The following POLR1C variants were observed in gnomAD, a reference collection of about 807,000 sequenced individuals.
The protein encoded by POLR1C is RNA polymerase I and III subunit C.
Under a neutral mutation model 38.3 loss-of-function variants are expected in POLR1C, and 42 were observed. The observed-to-expected ratio is 1.10, with a 90% CI of 0.86 to 1.42. The LOEUF (loss-of-function observed/expected upper bound fraction) is 1.42, where lower values mean the gene tolerates loss of function less well. POLR1C is among the 40% of genes most tolerant of loss of function. The pLI, the probability that POLR1C is intolerant of heterozygous loss-of-function variation, is 0.00. For missense variants in POLR1C, 507 were observed against 450.5 expected (o/e 1.13, Z -1.14); for synonymous variants, 163 against 163.9 (o/e 0.99, Z 0.04).
intron 9 of POLR1C, among the ~76,000 whole-genome samples, chr6:43,545,377 A>C (rs937092260): frequency 6.6e-6 from 1 of 152,108 alleles, no homozygotes; most frequent in Non-Finnish European, 1.5e-5. Flanking sequence ...AGGGGCCAAA[A>C]AGTACTGAAA....
intron 8 of POLR1C, chr6:43,527,393 T>C: frequency 2.9e-6 from 1 of 345,078 alleles, no homozygotes; most frequent in Non-Finnish European, 5.4e-6. Flanking sequence ...TACCTCAGCC[T>C]CCTGAGTAGC....
Position 43,520,282 on chromosome 6 carries a change from C to T in POLR1C, c.510C>T (p.Thr170=), listed in dbSNP as rs140188270. Residue 170 remains threonine, a synonymous_variant, in exon 6 of 9, where the codon ACC becomes ACT. Coordinates refer to ENST00000642195, the MANE Select transcript of POLR1C (RefSeq NM_203290.4). The part of the protein sequence containing the change: ...NELYVNHKVY[T]RHMTWIPLGN... ...GACATGTTTTTCCTCCAGTGTATACCAGGCATATGACATGGATCCCCCTGG... is the reference window on the plus strand; with the variant it reads ...GACATGTTTTTCCTCCAGTGTATACTAGGCATATGACATGGATCCCCCTGG... 4 of 1,612,870 alleles carry T rather than the reference C, an allele frequency of 2.5e-6. No homozygotes were observed. The highest frequency in any genetic ancestry group is 4.5e-5 in the East Asian group (2 of 44,898).
chr6:43,519,863 A>G (rs1793046460), intron 4 of POLR1C, 25 bp downstream of exon 4: 2 of 1,609,228 alleles, frequency 1.2e-6, no homozygotes, highest in Non-Finnish European at 1.7e-6. Context: ...TTTTGGGAGA[A>G]GTGGACTATC....
chr6:43,552,075 G>C lies in POLR1C; in HGVS notation c.*48+1064G>C, dbSNP rs758400231. ...GGCTGAATGTTTTTCATATTTATCA[G>C]CTACTTTATTTATATATCACTCTTG... On this transcript the variant is annotated intron_variant, in intron 10 of 10. Transcript: ENST00000607635. Among the ~76,000 whole-genome samples the C allele has an allele frequency of 7.9e-5, 12 of 152,116 alleles. No individual in the cohort carries two copies. In the South Asian group the frequency reaches 1.0e-3, roughly 13 times the overall value.
At chr6:43,551,437 T>A in intron 10 of POLR1C, 1 of 1,612,708 alleles carries the variant, frequency 6.2e-7, no homozygotes, top group Non-Finnish European at 8.5e-7. Context: ...CTCTATTCCA[T>A]CATTAACAGG....
At chr6:43,547,643 C>T (rs1192945210) in intron 9 of POLR1C, 3 of 1,613,928 alleles carry the variant, frequency 1.9e-6, no homozygotes, top group Non-Finnish European at 2.5e-6. Flanking sequence ...TCCTCCAGGC[C>T]TGGGTCACAG....
At chr6:43,556,483 A>G (rs1386650231) in intron 10 of POLR1C, among the ~76,000 whole-genome samples, 1 of 151,324 alleles carries the variant, frequency 6.6e-6, no homozygotes, top group Admixed American at 6.6e-5. Context: ...CCATGATCGC[A>G]GCACCACTCT....
In POLR1C at chr6:43,528,129, C is replaced by T. The variant is rs1459725002; in HGVS notation, c.923-1120C>T. On this transcript the variant is annotated intron_variant, in intron 8 of 8. Transcript: ENST00000304004. Reference sequence around the variant, plus strand: ...CCCCAAACCTGGCTGCCAGTTCATCCACCAAGAAGAGTGGGTAGGTATCCC... The same window carrying T: ...CCCCAAACCTGGCTGCCAGTTCATCTACCAAGAAGAGTGGGTAGGTATCCC... The T allele has an allele frequency of 3.2e-6, 5 of 1,575,748 alleles. No individual in the cohort carries two copies. In the South Asian group the frequency reaches 5.8e-5, roughly 18 times the overall value.
chr6:43,526,924 G>C (rs567908479), intron 8 of POLR1C: 7 of 629,034 alleles, frequency 1.1e-5, no homozygotes, highest in African/African-American at 9.1e-5. Flanking sequence ...TCTGATGACC[G>C]AACTGTTTTG....
rs541488697 is a variant in POLR1C at position 43,538,965 on chromosome 6, T to A, written c.*4+9606T>A. 24 of 1,388,782 alleles carry A rather than the reference T, an allele frequency of 1.7e-5. No individual in the cohort carries two copies. The African/African-American group carries it at 3.4e-4, about 20-fold the overall frequency. The allele number at this position is 1,388,782 out of a possible 1,614,324, so 86.0% of individuals were successfully genotyped here. A position where few individuals can be genotyped will look rare whatever the true frequency, so the allele number is the denominator to read the frequency against. On this transcript the variant is annotated intron_variant, in intron 9 of 10. Coordinates refer to the POLR1C transcript ENST00000607635. The stretch of plus-strand genomic sequence containing the variant: ...AGGTCGGGGGTCAGGTAGCTGTAGG[T>A]CTTAGAAATGGCATCAAAGGTGGCC...
chr6:43,542,110 T>C (rs2127721968), intron 9 of POLR1C, among the ~76,000 whole-genome samples: 1 of 152,306 alleles, frequency 6.6e-6, no homozygotes, highest in South Asian at 2.1e-4. Context: ...GTGTATTTTA[T>C]ACTTACAGTT....
intron 10 of POLR1C, chr6:43,553,715 A>T (rs1006401939): frequency 9.7e-7 from 1 of 1,029,210 alleles, no homozygotes; most frequent in African/African-American, 1.6e-5. Flanking sequence ...GGTTCCTACC[A>T]TGCCTCCTCC....
chr6:43,559,646 C>T (rs1439137324), intron 10 of POLR1C, among the ~76,000 whole-genome samples: 1 of 152,252 alleles, frequency 6.6e-6, no homozygotes, highest in African/African-American at 2.4e-5. Flanking sequence ...TGTATGGTCA[C>T]TGCTCTTGCC....
exon 11 of POLR1C, chr6:43,562,107 T>C (rs1430104667): frequency 1.4e-5 from 8 of 585,330 alleles, no homozygotes; most frequent in Non-Finnish European, 2.4e-5. Context: ...ATTTAATCTA[T>C]AGAATCATGC....
At chr6:43,531,797 C>CT (rs112626043), downstream of POLR1C, among the ~76,000 whole-genome samples, 845 of 150,018 alleles carry the variant, frequency 5.6e-3, 7 homozygotes, top group East Asian at 0.034. Context: ...CTTTTATCTG[C>CT]TTTTTTTTTT....
chr6:43,555,705 G>T, intron 10 of POLR1C: 2 of 1,140,518 alleles, frequency 1.8e-6, no homozygotes, highest in South Asian at 2.5e-5. Context: ...CCCTCTCCAG[G>T]ATGAGCAAAG....
intron 8 of POLR1C, among the ~76,000 whole-genome samples, chr6:43,528,489 C>T (rs1793739055): frequency 6.6e-6 from 1 of 152,144 alleles, no homozygotes; most frequent in South Asian, 2.1e-4. Context: ...GTTCTCCACC[C>T]AGCTGGTCCC....
chr6:43,532,652 C>T (rs1409085982), downstream of POLR1C, among the ~76,000 whole-genome samples: 2 of 152,196 alleles, frequency 1.3e-5, no homozygotes. Flanking sequence ...TGCCCCTAAC[C>T]TAGCTAGTTC....
intron 10 of POLR1C, among the ~76,000 whole-genome samples, chr6:43,552,028 G>GT (rs1033609418): frequency 3.9e-5 from 6 of 152,092 alleles, no homozygotes; most frequent in African/African-American, 1.4e-4. Context: ...CTTAAATTTT[G>GT]TATTTCTTCA....
Sources: allele counts gnomAD v4.1 joint callset (sites outside exome capture counted in the v4.1 genomes callset), GRCh38; gene constraint gnomAD v4.1.1; transcripts MANE v1.5; gene names NCBI Gene and HGNC (gene_info 2026-07-23, HGNC 2026-07-21).